DENND1A: variants seen among roughly 807,000 people sequenced by gnomAD.
DENND1A encodes the protein DENN domain containing 1A.
DENND1A carries 51 observed loss-of-function variants against 113.7 expected under a neutral mutation model. The ratio of observed to expected loss-of-function variants is 0.45; its 90% CI spans 0.36 to 0.57. The LOEUF is 0.57. DENND1A is among the 20% of genes least tolerant of loss of function. The probability of loss-of-function intolerance (pLI) is 0.00; values close to 1 mark genes in which losing one functional copy is unlikely to be tolerated. For synonymous variants in DENND1A, 565 were observed against 570.8 expected (o/e 0.99, Z 0.14); for missense variants, 1,258 against 1,395.9 (o/e 0.90, Z 1.57).
intron 2 of DENND1A, among the ~76,000 whole-genome samples, chr9:123,827,047 T>C (rs1360286962): frequency 3.3e-5 from 5 of 152,190 alleles, no homozygotes; most frequent in South Asian, 2.1e-4. Flanking sequence ...TCAAAGCTTG[T>C]AATGTATGAC....
chr9:123,730,416 AC>A (rs1378836238), intron 5 of DENND1A, among the ~76,000 whole-genome samples: 6 of 152,222 alleles, frequency 3.9e-5, no homozygotes, highest in Non-Finnish European at 5.9e-5. Context: ...AAGAAAAAAA[AC>A]AAACAACCCC....
chr9:123,395,468 C>CTGTGTGTG (rs60527655), intron 21 of DENND1A, among the ~76,000 whole-genome samples: 5 of 142,890 alleles, frequency 3.5e-5, no homozygotes, highest in African/African-American at 1.4e-4. Context: ...CTCTCTCTCT[C>CTGTGTGTG]TGTGTGTGTG....
intron 17 of DENND1A, among the ~76,000 whole-genome samples, chr9:123,451,031 T>C (rs1028426255): frequency 8.5e-5 from 13 of 152,306 alleles, no homozygotes; most frequent in African/African-American, 2.9e-4. Context: ...TCTATAATTA[T>C]TTATCTCAGC....
intron 11 of DENND1A, among the ~76,000 whole-genome samples, chr9:123,595,929 G>A (rs2059667945): frequency 1.3e-5 from 2 of 152,268 alleles, no homozygotes; most frequent in South Asian, 2.1e-4. Context: ...ACGGAGTGGG[G>A]AGCCTACTCA....
chr9:123,629,706 TC>T (rs2138582532), intron 10 of DENND1A, among the ~76,000 whole-genome samples: 1 of 152,340 alleles, frequency 6.6e-6, no homozygotes, highest in Admixed American at 6.5e-5. Context: ...AGTGAAATTC[TC>T]CTCAAAGAAC....
intron 13 of DENND1A, among the ~76,000 whole-genome samples, chr9:123,470,575 G>A (rs2049327383): frequency 6.6e-6 from 1 of 152,168 alleles, no homozygotes; most frequent in Non-Finnish European, 1.5e-5. Context: ...TATCTGAAAC[G>A]CAATCAGCCG....
chr9:123,806,572 T>A (rs1233114384), intron 2 of DENND1A, among the ~76,000 whole-genome samples: 2 of 152,178 alleles, frequency 1.3e-5, no homozygotes, highest in African/African-American at 4.8e-5. Context: ...ATACTGTTAA[T>A]AGAGTGAAAA....
At chr9:123,600,451 G>A (rs2059892885) in intron 11 of DENND1A, among the ~76,000 whole-genome samples, 1 of 152,044 alleles carries the variant, frequency 6.6e-6, no homozygotes, top group African/African-American at 2.4e-5. Context: ...GCAAAACAGG[G>A]GCACCTCTCT....
At chr9:123,611,352 C>A (rs77498214) in intron 10 of DENND1A, among the ~76,000 whole-genome samples, 11,548 of 152,228 alleles carry the variant, frequency 0.076, 487 homozygotes, top group Non-Finnish European at 0.09. Context: ...GCTGTCCAAG[C>A]TTTTTCCAGT....
At chr9:123,769,690 T>C in intron 3 of DENND1A, 127 bp from the exon 4 acceptor site, 3 of 645,682 alleles carry the variant, frequency 4.6e-6, no homozygotes, top group Non-Finnish European at 7.6e-6. Context: ...ATGGGCTTTA[T>C]CAATTACATG....
intron 9 of DENND1A, among the ~76,000 whole-genome samples, chr9:123,644,822 G>C (rs2062226024): frequency 1.3e-5 from 2 of 152,114 alleles, no homozygotes; most frequent in Non-Finnish European, 1.5e-5. Context: ...TTTCCAAATG[G>C]ACTGGCTGTT....
intron 10 of DENND1A, among the ~76,000 whole-genome samples, chr9:123,629,310 G>A (rs1194647216): frequency 6.6e-6 from 1 of 152,210 alleles, no homozygotes; most frequent in Non-Finnish European, 1.5e-5. Context: ...CCCTGTCTGT[G>A]TACCATGCTC....
At chr9:123,393,031 T>C (rs912404602) in intron 21 of DENND1A, among the ~76,000 whole-genome samples, 1 of 152,246 alleles carries the variant, frequency 6.6e-6, no homozygotes, top group Admixed American at 6.5e-5. Flanking sequence ...CCATCATAGA[T>C]ATACCACAGT....
At chr9:123,393,523 C>T (rs896674233) in intron 21 of DENND1A, among the ~76,000 whole-genome samples, 8 of 150,156 alleles carry the variant, frequency 5.3e-5, no homozygotes, top group South Asian at 2.1e-4. Flanking sequence ...ACAGCTAGAC[C>T]GCATCTTAAA....
intron 2 of DENND1A, among the ~76,000 whole-genome samples, chr9:123,816,132 C>T (rs1837447421): frequency 6.6e-6 from 1 of 151,690 alleles, no homozygotes; most frequent in Admixed American, 6.6e-5. Context: ...TCCTGAGTAG[C>T]TGGGGCCAAA....
intron 5 of DENND1A, among the ~76,000 whole-genome samples, chr9:123,698,848 T>G (rs1489452937): frequency 6.6e-6 from 1 of 152,148 alleles, no homozygotes; most frequent in African/African-American, 2.4e-5. Flanking sequence ...TGAAGATGGA[T>G]CAAACATATA....
chr9:123,598,453 T>C (rs2059796152), intron 11 of DENND1A, among the ~76,000 whole-genome samples: 1 of 95,544 alleles, frequency 1.0e-5, no homozygotes, highest in Admixed American at 1.2e-4. Flanking sequence ...CAATCACAAA[T>C]CTCAAAAAAA....
chr9:123,676,689 T>C (rs1395304840), intron 6 of DENND1A, 31 bp downstream of exon 6: 3 of 1,595,910 alleles, frequency 1.9e-6, no homozygotes, highest in Non-Finnish European at 2.6e-6. Context: ...AGCTTATTTG[T>C]TTAAAAGAAT....
chr9:123,618,988 C>G (rs2060802019), intron 10 of DENND1A, among the ~76,000 whole-genome samples: 1 of 152,164 alleles, frequency 6.6e-6, no homozygotes. Context: ...CGTTCTGTCA[C>G]CCAGGCTGGA....
Sources: gnomAD v4.1 joint callset for allele counts (sites outside exome capture counted in the v4.1 genomes callset) on GRCh38, gnomAD v4.1.1 for gene constraint, MANE v1.5 for transcripts, NCBI Gene and HGNC (gene_info 2026-07-23, HGNC 2026-07-21) for gene names.